Variants in ZNF385D observed in about 807,000 individuals in gnomAD.
ZNF385D encodes zinc finger protein 659.
In ZNF385D, 15 loss-of-function variants were observed where a neutral mutation model predicts 35.8. That is an observed-to-expected ratio of 0.42 (90% confidence interval 0.28 to 0.64). ZNF385D has a LOEUF of 0.64. ZNF385D is among the 30% of genes least tolerant of loss of function. ZNF385D has a pLI of 0.23. For synonymous variants in ZNF385D, 212 were observed against 186.8 expected (o/e 1.13, Z -1.10); for missense variants, 474 against 494.6 (o/e 0.96, Z 0.39).
chr3:21,755,641 G>A (rs1412444013), upstream of ZNF385D, among the ~76,000 whole-genome samples: 1 of 152,068 alleles, frequency 6.6e-6, no homozygotes, highest in African/African-American at 2.4e-5. Context: ...TCCTACTATA[G>A]CATTTAAACT....
chr3:21,421,348 T>C lies in ZNF385D; in HGVS notation c.1054A>G (p.Ser352Gly). Residue 352 changes from serine (S) to glycine (G), a missense_variant, in exon 8 of 8, where the codon AGT becomes GGT. Transcript: ENST00000281523. ...AAAAAAAVAV[S>G]SPFSLRTAPA... is the part of the protein sequence containing the mutation. ...GCAGTTCGAAGACTGAAGGGGGAAC[T>C]CACTGCCACTGCTGCTGCGGCTGCT... is the stretch of plus-strand genomic sequence containing the variant. The C allele has an allele frequency of 1.2e-6, 2 of 1,613,832 alleles. No homozygotes were observed. The highest frequency in any genetic ancestry group is 8.5e-7 in the Non-Finnish European group (1 of 1,179,844).
At chr3:21,600,211 G>A (rs1207173473) in intron 2 of ZNF385D, among the ~76,000 whole-genome samples, 1 of 152,184 alleles carries the variant, frequency 6.6e-6, no homozygotes, top group East Asian at 1.9e-4. Flanking sequence ...CCTCAGGGCA[G>A]CTCTGTCTAT....
chr3:21,712,923 C>G (rs895668426), intron 1 of ZNF385D, among the ~76,000 whole-genome samples: 1 of 152,194 alleles, frequency 6.6e-6, no homozygotes, highest in Non-Finnish European at 1.5e-5. Context: ...CTTTCAGTCT[C>G]AACCCATCAC....
chr3:21,695,604 T>G (rs753753480), intron 1 of ZNF385D, among the ~76,000 whole-genome samples: 2 of 152,126 alleles, frequency 1.3e-5, no homozygotes, highest in Non-Finnish European at 2.9e-5. Flanking sequence ...ATAAAACTCG[T>G]CAAATGATCC....
chr3:21,521,979 T>C (rs1228831071), intron 3 of ZNF385D, among the ~76,000 whole-genome samples: 1 of 152,116 alleles, frequency 6.6e-6, no homozygotes, highest in East Asian at 1.9e-4. Flanking sequence ...CTATGGCTTC[T>C]TGGGATAGAA....
At chr3:22,269,667 AGCT>A (rs1189407354) in intron 2 of ZNF385D, among the ~76,000 whole-genome samples, 1 of 151,956 alleles carries the variant, frequency 6.6e-6, no homozygotes, top group East Asian at 1.9e-4. Context: ...GGACTTTTCC[AGCT>A]TCTTCCAGGT....
At chr3:21,893,191 T>C (rs568049960) in intron 3 of ZNF385D, among the ~76,000 whole-genome samples, 37 of 152,216 alleles carry the variant, frequency 2.4e-4, no homozygotes, top group African/African-American at 7.7e-4. Context: ...TGGAAGAGTA[T>C]TGGTAGATTA....
intron 3 of ZNF385D, among the ~76,000 whole-genome samples, chr3:22,091,563 A>T (rs529874319): frequency 6.6e-6 from 1 of 150,856 alleles, no homozygotes; most frequent in African/African-American, 2.4e-5. Flanking sequence ...GTAGCCTGCC[A>T]GAGTTATTGT....
At chr3:21,899,944 C>A (rs1048778975) in intron 3 of ZNF385D, among the ~76,000 whole-genome samples, 1 of 152,012 alleles carries the variant, frequency 6.6e-6, no homozygotes, top group Non-Finnish European at 1.5e-5. Flanking sequence ...AAGTAAAAGA[C>A]CAAAAACAGC....
chr3:21,635,827 G>A (rs1324023480), intron 2 of ZNF385D, among the ~76,000 whole-genome samples: 1 of 151,760 alleles, frequency 6.6e-6, no homozygotes, highest in Non-Finnish European at 1.5e-5. Context: ...TTCCATTCCT[G>A]AATTACTTCA....
intron 2 of ZNF385D, among the ~76,000 whole-genome samples, chr3:22,363,289 C>T (rs546105957): frequency 2.0e-5 from 3 of 152,238 alleles, no homozygotes; most frequent in East Asian, 1.9e-4. Flanking sequence ...TCTATGAGCA[C>T]TCAGAATTTG....
intron 2 of ZNF385D, among the ~76,000 whole-genome samples, chr3:22,190,391 G>C (rs756072315): frequency 1.3e-5 from 2 of 152,140 alleles, no homozygotes; most frequent in Non-Finnish European, 2.9e-5. Context: ...GATAATTCTA[G>C]TTTTAAATTC....
At chr3:21,860,037 G>C (rs1397553901) in intron 3 of ZNF385D, among the ~76,000 whole-genome samples, 1 of 151,886 alleles carries the variant, frequency 6.6e-6, no homozygotes, top group Non-Finnish European at 1.5e-5. Flanking sequence ...CCACTTTTTT[G>C]GGACTAGAAT....
At chr3:21,599,478 G>GTGAA (rs1443594012) in intron 2 of ZNF385D, among the ~76,000 whole-genome samples, 1 of 152,060 alleles carries the variant, frequency 6.6e-6, no homozygotes, top group Admixed American at 6.6e-5. Flanking sequence ...ATTTCTCCAG[G>GTGAA]TGAATAGTAA....
chr3:21,749,735 A>C (rs1018993734), intron 1 of ZNF385D, among the ~76,000 whole-genome samples: 9 of 152,214 alleles, frequency 5.9e-5, no homozygotes, highest in African/African-American at 2.2e-4. Flanking sequence ...CTGTCAAGAC[A>C]ACTAAAGGCA....
intron 2 of ZNF385D, among the ~76,000 whole-genome samples, chr3:22,322,698 TCTC>T (rs1421328317): frequency 2.0e-5 from 3 of 152,228 alleles, no homozygotes; most frequent in African/African-American, 7.2e-5. Context: ...ACAGATATAT[TCTC>T]CAAGTTTCAT....
intron 3 of ZNF385D, among the ~76,000 whole-genome samples, chr3:22,152,792 G>C (rs1705324028): frequency 6.6e-6 from 1 of 152,136 alleles, no homozygotes; most frequent in African/African-American, 2.4e-5. Context: ...ACAGGTCTCA[G>C]GGATTAGGAT....
rs71044975 is a variant in ZNF385D, at chr3:22,127,317, C to CTTTTTTTTT, written c.325+41491_325+41499dup. Among the ~76,000 whole-genome samples, 9 of 56,304 alleles carry CTTTTTTTTT rather than the reference C, an allele frequency of 1.6e-4. 1 individual carries two copies. Among genetic ancestry groups the CTTTTTTTTT allele is most frequent in the Non-Finnish European group, 2.6e-4 (8 of 30,480 alleles). 36.9% of individuals were successfully genotyped at this position (56,304 alleles called of 152,430 possible). A position where few individuals can be genotyped will look rare whatever the true frequency, so the allele number is the denominator to read the frequency against. ...TCTGGTAGTATGTTTTCATTTCCTGCTTTTTTTTTTTTTTTTTTTTTTTTT... is the reference window on the plus strand; with the variant it reads ...TCTGGTAGTATGTTTTCATTTCCTGCTTTTTTTTTTTTTTTTTTTTTTTTTTTTTTTTTT... On this transcript the variant is annotated intron_variant, in intron 3 of 5. Transcript: ENST00000494108.
At chr3:21,777,412 A>G (rs1403783481) in intron 3 of ZNF385D, among the ~76,000 whole-genome samples, 1 of 151,938 alleles carries the variant, frequency 6.6e-6, no homozygotes, top group African/African-American at 2.4e-5. Context: ...GGAGATGGGC[A>G]AAGCATCATG....
Sources: allele counts gnomAD v4.1 joint callset (sites outside exome capture counted in the v4.1 genomes callset), GRCh38; gene constraint gnomAD v4.1.1; transcripts MANE v1.5; gene names NCBI Gene and HGNC (gene_info 2026-07-23, HGNC 2026-07-21).